The following NDRG1 variants were observed in gnomAD, a reference collection of about 807,000 sequenced individuals.
NDRG1 encodes the protein N-myc downstream regulated 1.
A neutral mutation model predicts 56.9 loss-of-function variants in NDRG1; 32 were observed. That is an observed-to-expected ratio of 0.56 (90% CI 0.42 to 0.76). The LOEUF (loss-of-function observed/expected upper bound fraction) is 0.76, where lower values mean the gene tolerates loss of function less well. NDRG1 is among the 30% of genes least tolerant of loss of function. The probability of loss-of-function intolerance (pLI) is 0.00; values close to 1 mark genes in which losing one functional copy is unlikely to be tolerated. For synonymous variants in NDRG1, 211 were observed against 204.1 expected (o/e 1.03, Z -0.29); for missense variants, 507 against 545.7 (o/e 0.93, Z 0.71).
At chr8:133,247,977 G>A (rs1564282718) in intron 11 of NDRG1, 51 bp from the exon 12 acceptor site, 1 of 1,587,432 alleles carries the variant, frequency 6.3e-7, no homozygotes, top group East Asian at 2.2e-5. Context: ...TTTAAAGATT[G>A]TCCCACTCCC....
intron 5 of NDRG1, among the ~76,000 whole-genome samples, chr8:133,261,295 A>G (rs1038508654): frequency 2.0e-5 from 3 of 151,998 alleles, no homozygotes; most frequent in Admixed American, 2.0e-4. Flanking sequence ...TAGTGGAGAC[A>G]GGGTTTCATC....
intron 1 of NDRG1, among the ~76,000 whole-genome samples, chr8:133,286,621 C>T (rs1249212095): frequency 6.6e-6 from 1 of 152,226 alleles, no homozygotes; most frequent in Non-Finnish European, 1.5e-5. Flanking sequence ...GTGGGGCCTT[C>T]TCTGACCCAG....
intron 1 of NDRG1, among the ~76,000 whole-genome samples, chr8:133,294,798 C>T (rs557496421): frequency 5.3e-5 from 8 of 152,292 alleles, no homozygotes; most frequent in African/African-American, 4.8e-5. Context: ...AAAATCATTC[C>T]GCTCTGCCCC....
chr8:133,259,968 G>A (rs113663885), intron 5 of NDRG1, among the ~76,000 whole-genome samples: 11 of 152,304 alleles, frequency 7.2e-5, no homozygotes, highest in African/African-American at 9.6e-5. Context: ...GTATGCGGAC[G>A]CCCTGGGAAG....
At position 133,238,715 on chromosome 8, in the gene NDRG1, C is replaced by T. The variant is rs559689899; in HGVS notation, c.*163G>A. ...ACCCCGCCTTTGGAGAGGGCACCCACGTAATAGACCTCATTTGTCTCCACC... is the reference window on the plus strand; with the variant it reads ...ACCCCGCCTTTGGAGAGGGCACCCATGTAATAGACCTCATTTGTCTCCACC... On this transcript the variant is annotated 3_prime_UTR_variant, in exon 16 of 16. Transcript: ENST00000323851. 48 of 882,000 alleles carry T rather than the reference C, an allele frequency of 5.4e-5. 1 individual carries two copies. Among genetic ancestry groups the T allele is most frequent in the Admixed American group, 8.8e-5 (3 of 34,270 alleles). 54.6% of individuals were successfully genotyped at this position (882,000 alleles called of 1,614,324 possible). A position where few individuals can be genotyped will look rare whatever the true frequency, so the allele number is the denominator to read the frequency against.
Position 133,296,694 on chromosome 8 carries a change from G to GACACACAC in NDRG1, c.-19+432_-19+439dup, listed in dbSNP as rs36215434. The GACACACAC allele has an allele frequency of 1.3e-3, 355 of 270,798 alleles. 1 individual carries two copies. Among genetic ancestry groups the GACACACAC allele is most frequent in the East Asian group, 6.3e-3 (52 of 8,294 alleles). 16.8% of individuals were successfully genotyped at this position (270,798 alleles called of 1,614,324 possible). On this transcript the variant is annotated intron_variant, in intron 1 of 15. Coordinates refer to ENST00000323851, the MANE Select transcript of NDRG1 (RefSeq NM_006096.4). The stretch of plus-strand genomic sequence containing the variant: ...CGCAATCTCTCCGTTCCCAGACACA[G>GACACACAC]ACACACACACACACACACACACACA...
chr8:133,266,194 C>A (rs937333253), intron 3 of NDRG1, among the ~76,000 whole-genome samples: 2 of 152,244 alleles, frequency 1.3e-5, no homozygotes, highest in African/African-American at 4.8e-5. Flanking sequence ...TCAGCCTCCG[C>A]GGGGCCCCAG....
intron 1 of NDRG1, among the ~76,000 whole-genome samples, chr8:133,296,276 G>T (rs1003704318): frequency 6.6e-6 from 1 of 151,390 alleles, no homozygotes; most frequent in Non-Finnish European, 1.5e-5. Flanking sequence ...GGGAGGGTGG[G>T]CGGAGGCGAA....
At chr8:133,260,504 C>T (rs1049516568) in intron 5 of NDRG1, among the ~76,000 whole-genome samples, 1 of 152,148 alleles carries the variant, frequency 6.6e-6, no homozygotes, top group African/African-American at 2.4e-5. Context: ...AATAAAAATT[C>T]CTGGGGGTGG....
At chr8:133,284,608 A>T in intron 1 of NDRG1, 1 of 498,866 alleles carries the variant, frequency 2.0e-6, no homozygotes, top group South Asian at 1.9e-5. Flanking sequence ...TCAGCCTCAC[A>T]AACAGGTCCC....
In NDRG1 at chr8:133,244,074, G is replaced by A. The variant is rs142613809; in HGVS notation, c.891+281C>T. On this transcript the variant is annotated intron_variant, in intron 14 of 15. Coordinates refer to ENST00000323851, the MANE Select transcript of NDRG1 (RefSeq NM_006096.4). Reference sequence around the variant, plus strand: ...CGGCCCTTCACTCCAGCAGAAGCCCGTGGTCTTTGGGGCAGACATACCCAG... The same window carrying A: ...CGGCCCTTCACTCCAGCAGAAGCCCATGGTCTTTGGGGCAGACATACCCAG... Among the ~76,000 whole-genome samples, 24 of 152,306 alleles carry A rather than the reference G, an allele frequency of 1.6e-4. No individual in the cohort carries two copies. The East Asian group carries it at 3.5e-3, about 22-fold the overall frequency.
chr8:133,278,041 G>A (rs956515718), intron 3 of NDRG1, among the ~76,000 whole-genome samples: 12 of 152,152 alleles, frequency 7.9e-5, no homozygotes, highest in African/African-American at 2.9e-4. Context: ...CCAGCAAGCC[G>A]CTCCCCTGGG....
Position 133,254,588 on chromosome 8 carries a change from C to G in NDRG1, c.545G>C (p.Gly182Ala), listed in dbSNP as rs769894179. 6.2e-7 allele frequency: 1 copy of G among 1,614,042 alleles called. No homozygotes were observed. Among genetic ancestry groups the G allele is most frequent in the Non-Finnish European group, 8.5e-7 (1 of 1,179,984 alleles). Residue 182 changes from glycine (G) to alanine (A), a missense_variant, in exon 9 of 16, where the codon GGA becomes GCA. By Grantham distance (60) the Gly-to-Ala change is moderately conservative. Transcript: ENST00000323851. Reference sequence around the variant, plus strand: ...CATGTCCGGCAGAGCTTGGGTCCATCCTGAGATCTGGAAAGGAGTAAAGTG... The same window carrying G: ...CATGTCCGGCAGAGCTTGGGTCCATGCTGAGATCTGGAAAGGAGTAAAGTG... ...WMDWAASKIS[G>A]WTQALPDMVV...
rs1855412687 is a variant in NDRG1 at position 133,242,020 on chromosome 8, C to T, written c.943+3G>A. Reference sequence around the variant, plus strand: ...CACTGCACACGGGGAATGCCATACTCACTGTATCCCATGCCCTGCACGAAG... The same window carrying T: ...CACTGCACACGGGGAATGCCATACTTACTGTATCCCATGCCCTGCACGAAG... On this transcript the variant is annotated splice_donor_region_variant and intron_variant, in intron 15 of 15. Transcript: ENST00000323851. 1 of 1,614,222 alleles carries T rather than the reference C, an allele frequency of 6.2e-7. No individual in the cohort carries two copies. Among genetic ancestry groups the T allele is most frequent in the Non-Finnish European group, 8.5e-7 (1 of 1,180,022 alleles).
rs1564286180 is a variant in NDRG1 at position 133,253,562 on chromosome 8, C to T, written c.594+977G>A. Reference sequence around the variant, plus strand: ...GCCCAGCCCAGCACACAGCTAACTCCACGGACATGTTTGCTACTGACCAGA... The same window carrying T: ...GCCCAGCCCAGCACACAGCTAACTCTACGGACATGTTTGCTACTGACCAGA... On this transcript the variant is annotated intron_variant, in intron 9 of 15. Coordinates refer to ENST00000323851, the MANE Select transcript of NDRG1 (RefSeq NM_006096.4). Among the ~76,000 whole-genome samples the T allele has an allele frequency of 3.3e-5, 5 of 152,218 alleles. 1 individual carries two copies. Among genetic ancestry groups the T allele is most frequent in the Admixed American group, 1.3e-4 (2 of 15,286 alleles).
chr8:133,287,790 C>G lies in NDRG1; in HGVS notation c.-18-3461G>C, dbSNP rs187396527. 2.9e-3 allele frequency among the ~76,000 whole-genome samples: 442 copies of G among 152,340 alleles called. 14 individuals carry two copies. The highest frequency in any genetic ancestry group is 0.027 in the Admixed American group (406 of 15,308). On this transcript the variant is annotated intron_variant, in intron 1 of 15. Coordinates refer to ENST00000323851, the MANE Select transcript of NDRG1 (RefSeq NM_006096.4). ...CACAGCATACACCCCACGCTGCGAC[C>G]AGCAAAAGAATCTGCAAACGTTGCC... is the stretch of plus-strand genomic sequence containing the variant.
intron 1 of NDRG1, among the ~76,000 whole-genome samples, chr8:133,294,192 C>G (rs1858600638): frequency 6.6e-6 from 1 of 152,158 alleles, no homozygotes; most frequent in South Asian, 2.1e-4. Context: ...GGAAAAAAAA[C>G]AAAGGCTCTG....
At chr8:133,254,201 A>G (rs1303604966) in intron 9 of NDRG1, among the ~76,000 whole-genome samples, 1 of 152,234 alleles carries the variant, frequency 6.6e-6, no homozygotes, top group Non-Finnish European at 1.5e-5. Flanking sequence ...GAGGAGGACT[A>G]TCAAGGGGCA....
chr8:133,237,684 G>A lies in NDRG1; in HGVS notation c.*1194C>T, dbSNP rs761054650. 5.6e-5 allele frequency: 13 copies of A among 232,970 alleles called. No homozygotes were observed. The highest frequency in any genetic ancestry group is 3.6e-4 in the South Asian group (2 of 5,528). 14.4% of individuals were successfully genotyped at this position (232,970 alleles called of 1,614,324 possible). On this transcript the variant is annotated 3_prime_UTR_variant, in exon 16 of 16. Transcript: ENST00000323851. The stretch of plus-strand genomic sequence containing the variant: ...CATTTTCTCAGCCACCGCTCCCCAC[G>A]TGAGTTCCCACCCCCACCCCGACAA...
Sources: allele counts gnomAD v4.1 joint callset (sites outside exome capture counted in the v4.1 genomes callset), GRCh38; gene constraint gnomAD v4.1.1; transcripts MANE v1.5; gene names NCBI Gene and HGNC (gene_info 2026-07-23, HGNC 2026-07-21).